LHFPL3: variants seen among roughly 807,000 people sequenced by gnomAD.
LHFPL3 encodes LHFPL tetraspan subfamily member 3 protein.
Under a neutral mutation model 19.3 loss-of-function variants are expected in LHFPL3, and 5 were observed. The ratio of observed to expected loss-of-function variants is 0.26; its 90% CI spans 0.14 to 0.54. The LOEUF (loss-of-function observed/expected upper bound fraction) is 0.54. LHFPL3 is among the 20% of genes least tolerant of loss of function. The pLI is 0.94. For missense variants in LHFPL3, 249 were observed against 307.4 expected (o/e 0.81, Z 1.42); for synonymous variants, 133 against 126.2 (o/e 1.05, Z -0.36).
intron 2 of LHFPL3, among the ~76,000 whole-genome samples, chr7:104,813,119 G>GA (rs1205820691): frequency 3.3e-5 from 5 of 151,106 alleles, no homozygotes; most frequent in East Asian, 1.9e-4. Flanking sequence ...ATCTCGGGGA[G>GA]AAAAAAAAAT....
At chr7:104,395,190 A>T (rs1415372774) in intron 1 of LHFPL3, among the ~76,000 whole-genome samples, 1 of 152,214 alleles carries the variant, frequency 6.6e-6, no homozygotes, top group Non-Finnish European at 1.5e-5. Context: ...TAGATAGCTT[A>T]CTAATTAACA....
At chr7:104,527,998 A>AT (rs1794222214) in intron 1 of LHFPL3, among the ~76,000 whole-genome samples, 1 of 152,156 alleles carries the variant, frequency 6.6e-6, no homozygotes, top group Non-Finnish European at 1.5e-5. Flanking sequence ...TGGGACATTG[A>AT]TCTCTATCTT....
intron 2 of LHFPL3, among the ~76,000 whole-genome samples, chr7:104,849,943 AG>A (rs1271914977): frequency 6.6e-6 from 1 of 152,258 alleles, no homozygotes; most frequent in African/African-American, 2.4e-5. Flanking sequence ...TTGGAAAAAA[AG>A]GGTTCTGGTT....
chr7:104,593,629 G>T (rs745771552), intron 1 of LHFPL3, among the ~76,000 whole-genome samples: 2 of 152,124 alleles, frequency 1.3e-5, no homozygotes, highest in African/African-American at 2.4e-5. Context: ...GTCTAATGTT[G>T]ACAGTGGGGT....
intron 1 of LHFPL3, among the ~76,000 whole-genome samples, chr7:104,409,641 A>G (rs1340137132): frequency 1.3e-5 from 2 of 152,104 alleles, no homozygotes; most frequent in Non-Finnish European, 2.9e-5. Context: ...TAAATAAAAG[A>G]AAAATCTTGG....
At chr7:104,560,942 C>G (rs1243305048) in intron 1 of LHFPL3, among the ~76,000 whole-genome samples, 1 of 149,508 alleles carries the variant, frequency 6.7e-6, no homozygotes, top group Non-Finnish European at 1.5e-5. Context: ...GTTATGTACC[C>G]AGTAGTCATT....
intron 1 of LHFPL3, among the ~76,000 whole-genome samples, chr7:104,636,160 T>G (rs575452584): frequency 6.6e-6 from 1 of 152,178 alleles, no homozygotes; most frequent in African/African-American, 2.4e-5. Flanking sequence ...ATAATTATAT[T>G]GGGAGGAGAG....
intron 1 of LHFPL3, among the ~76,000 whole-genome samples, chr7:104,621,319 A>G (rs1791442541): frequency 6.6e-6 from 1 of 152,262 alleles, no homozygotes; most frequent in African/African-American, 2.4e-5. Flanking sequence ...TCACTGAAAC[A>G]GTTAATCACT....
intron 1 of LHFPL3, among the ~76,000 whole-genome samples, chr7:104,509,940 TAAC>T (rs1284509696): frequency 6.6e-6 from 1 of 152,088 alleles, no homozygotes; most frequent in Non-Finnish European, 1.5e-5. Flanking sequence ...TTTTACATAT[TAAC>T]AATCAACATG....
intron 2 of LHFPL3, chr7:104,752,813 G>A (rs1047397293): frequency 1.9e-4 from 76 of 392,216 alleles, no homozygotes; most frequent in Admixed American, 7.1e-4. Context: ...CCTCCACGTT[G>A]GGCACCAGAG....
Position 104,906,465 on chromosome 7 carries a change from A to C in LHFPL3, c.*250A>C. 2.0e-6 allele frequency: 1 copy of C among 507,100 alleles called. No homozygotes were observed. The highest frequency in any genetic ancestry group is 3.1e-5 in the East Asian group (1 of 32,566). 31.4% of individuals were successfully genotyped at this position (507,100 alleles called of 1,614,324 possible). ...CACCAGCTCATTGGAAACTCATTGG[A>C]TGAGATCAGAAAACGTTCATGAAAA... On this transcript the variant is annotated 3_prime_UTR_variant, in exon 3 of 3. Coordinates refer to ENST00000424859, the MANE Select transcript of LHFPL3 (RefSeq NM_199000.3).
At chr7:104,758,968 A>G (rs1794331346) in intron 2 of LHFPL3, among the ~76,000 whole-genome samples, 1 of 152,222 alleles carries the variant, frequency 6.6e-6, no homozygotes, top group Non-Finnish European at 1.5e-5. Context: ...GTCATTTGAG[A>G]CATCTCAACT....
intron 1 of LHFPL3, among the ~76,000 whole-genome samples, chr7:104,390,326 A>G (rs949479885): frequency 1.3e-5 from 2 of 151,782 alleles, no homozygotes; most frequent in Non-Finnish European, 2.9e-5. Context: ...TCCTAATGCT[A>G]TCCCTCCCCC....
At chr7:104,420,942 A>C (rs907360620) in intron 1 of LHFPL3, among the ~76,000 whole-genome samples, 1 of 152,168 alleles carries the variant, frequency 6.6e-6, no homozygotes, top group Non-Finnish European at 1.5e-5. Flanking sequence ...GAAAGCAGAG[A>C]AAAGGATCAG....
At chr7:104,455,009 A>G (rs1031885614) in intron 1 of LHFPL3, among the ~76,000 whole-genome samples, 4 of 152,160 alleles carry the variant, frequency 2.6e-5, no homozygotes, top group East Asian at 1.9e-4. Flanking sequence ...GCTGTGATCA[A>G]TGAGCCGGCC....
intron 1 of LHFPL3, among the ~76,000 whole-genome samples, chr7:104,676,572 T>C (rs1792596360): frequency 6.6e-6 from 1 of 152,236 alleles, no homozygotes; most frequent in Non-Finnish European, 1.5e-5. Flanking sequence ...TTATCAGGCA[T>C]ACCTGGTCTT....
chr7:104,429,793 TGA>T (rs1272458490), intron 1 of LHFPL3, among the ~76,000 whole-genome samples: 1 of 152,080 alleles, frequency 6.6e-6, no homozygotes, highest in Admixed American at 6.6e-5. Context: ...TATATGAGTC[TGA>T]GAGGTGACCG....
intron 2 of LHFPL3, among the ~76,000 whole-genome samples, chr7:104,773,960 C>T (rs763923646): frequency 5.3e-5 from 8 of 152,234 alleles, no homozygotes; most frequent in Non-Finnish European, 1.2e-4. Flanking sequence ...TTTGTTACAA[C>T]AGCCCTAGAG....
chr7:104,723,130 G>A (rs527576558), intron 1 of LHFPL3, among the ~76,000 whole-genome samples: 9 of 152,258 alleles, frequency 5.9e-5, no homozygotes, highest in African/African-American at 2.2e-4. Flanking sequence ...GTTACATTCA[G>A]CTCTTTAGCA....
Sources: allele counts gnomAD v4.1 joint callset (sites outside exome capture counted in the v4.1 genomes callset), GRCh38; gene constraint gnomAD v4.1.1; transcripts MANE v1.5; gene names NCBI Gene and HGNC (gene_info 2026-07-23, HGNC 2026-07-21).